Variants in TMEM232 observed in about 807,000 individuals in gnomAD.
The protein encoded by TMEM232 is transmembrane protein 232.
In TMEM232, 80 loss-of-function variants were observed where a neutral mutation model predicts 78.8. That is an observed-to-expected ratio of 1.01 (90% confidence interval 0.85 to 1.22). The LOEUF (loss-of-function observed/expected upper bound fraction) is 1.22. TMEM232 is among the 50% of genes most tolerant of loss of function. The pLI is 0.00. For missense variants in TMEM232, 881 were observed against 742.2 expected (o/e 1.19, Z -2.17); for synonymous variants, 297 against 254.3 (o/e 1.17, Z -1.60).
At chr5:110,489,496 A>G (rs2149414071) in intron 12 of TMEM232, among the ~76,000 whole-genome samples, 1 of 152,246 alleles carries the variant, frequency 6.6e-6, no homozygotes, top group East Asian at 1.9e-4. Context: ...TAGGAATGTA[A>G]GGCACGTCTT....
chr5:110,455,424 C>T (rs1013662510), intron 12 of TMEM232, among the ~76,000 whole-genome samples: 2 of 150,948 alleles, frequency 1.3e-5, no homozygotes, highest in African/African-American at 4.9e-5. Flanking sequence ...GTTGCCCAGG[C>T]TGGAGTGCAG....
At chr5:110,422,767 A>T (rs1756808646) in intron 13 of TMEM232, among the ~76,000 whole-genome samples, 1 of 152,092 alleles carries the variant, frequency 6.6e-6, no homozygotes, top group African/African-American at 2.4e-5. Context: ...TCTTTTCATT[A>T]GGCTTAGGAA....
At chr5:110,560,861 T>C (rs1483108987) in intron 11 of TMEM232, among the ~76,000 whole-genome samples, 1 of 152,152 alleles carries the variant, frequency 6.6e-6, no homozygotes, top group Admixed American at 6.6e-5. Flanking sequence ...AATTTAGCCC[T>C]TCAAATCTTC....
At position 110,620,858 on chromosome 5, in the gene TMEM232, C is replaced by CTTTTT. The variant is rs558332663; in HGVS notation, c.769-2301_769-2297dup. 2.2e-3 allele frequency among the ~76,000 whole-genome samples: 192 copies of CTTTTT among 87,444 alleles called. 9 individuals are homozygous for CTTTTT. The highest frequency in any genetic ancestry group is 7.9e-3 in the African/African-American group (142 of 17,914). The allele number at this position is 87,444 out of a possible 152,430, so 57.4% of individuals were successfully genotyped here. A position where few individuals can be genotyped will look rare whatever the true frequency, so the allele number is the denominator to read the frequency against. ...TCAGGAATTTTATGTATTTCAAGCG[C>CTTTTT]TTTTTTTTTTTTTTTTTTTTTTGAG... is the stretch of plus-strand genomic sequence containing the variant. On this transcript the variant is annotated intron_variant, in intron 7 of 13. Transcript: ENST00000455884.
chr5:110,675,178 G>A (rs575597554), intron 1 of TMEM232, among the ~76,000 whole-genome samples: 2 of 152,128 alleles, frequency 1.3e-5, no homozygotes, highest in South Asian at 4.2e-4. Context: ...CTGGGTAGCT[G>A]GGATTACAGG....
intron 12 of TMEM232, among the ~76,000 whole-genome samples, chr5:110,473,594 A>T (rs112296846): frequency 2.3e-4 from 31 of 136,820 alleles, no homozygotes; most frequent in East Asian, 3.9e-4. Context: ...TTAAAAAATT[A>T]AAAAAAAAAT....
intron 5 of TMEM232, among the ~76,000 whole-genome samples, chr5:110,633,675 G>C (rs762113058): frequency 3.9e-5 from 6 of 152,048 alleles, no homozygotes; most frequent in Non-Finnish European, 8.8e-5. Context: ...TTCACCTTTT[G>C]CCATGATTGT....
chr5:110,689,018 C>T (rs1461839122), intron 1 of TMEM232, among the ~76,000 whole-genome samples: 1 of 152,108 alleles, frequency 6.6e-6, no homozygotes, highest in African/African-American at 2.4e-5. Context: ...TCCTTTGACC[C>T]TTTTGTTTTT....
At chr5:110,668,689 C>T (rs934322575) in intron 1 of TMEM232, among the ~76,000 whole-genome samples, 1 of 152,158 alleles carries the variant, frequency 6.6e-6, no homozygotes, top group Non-Finnish European at 1.5e-5. Flanking sequence ...TTCTCAGCAC[C>T]ACATCGCACT....
At chr5:110,706,541 T>C (rs924479359) in intron 1 of TMEM232, among the ~76,000 whole-genome samples, 1 of 152,314 alleles carries the variant, frequency 6.6e-6, no homozygotes, top group Non-Finnish European at 1.5e-5. Context: ...AGAATGCGTA[T>C]AAAGGTGGTC....
At chr5:110,536,594 C>G (rs1772388208) in intron 11 of TMEM232, among the ~76,000 whole-genome samples, 1 of 152,230 alleles carries the variant, frequency 6.6e-6, no homozygotes, top group South Asian at 2.1e-4. Flanking sequence ...AGAGTGAACT[C>G]ACACACATTT....
intron 12 of TMEM232, among the ~76,000 whole-genome samples, chr5:110,525,235 A>C (rs987489942): frequency 1.3e-5 from 2 of 151,902 alleles, no homozygotes; most frequent in African/African-American, 4.8e-5. Context: ...AGCTGATAAA[A>C]TACATAAAAG....
intron 2 of TMEM232, among the ~76,000 whole-genome samples, chr5:110,732,379 C>A (rs1182565657): frequency 6.6e-6 from 1 of 152,170 alleles, no homozygotes; most frequent in African/African-American, 2.4e-5. Context: ...TACCAACTCA[C>A]TGTATTAGCG....
intron 2 of TMEM232, among the ~76,000 whole-genome samples, chr5:110,407,812 ATATC>A (rs1755847127): frequency 6.6e-6 from 1 of 152,178 alleles, no homozygotes; most frequent in African/African-American, 2.4e-5. Context: ...TTAAAAATAT[ATATC>A]AAGTATTATC....
At chr5:110,720,006 G>T (rs1238624246) in intron 1 of TMEM232, among the ~76,000 whole-genome samples, 4 of 152,124 alleles carry the variant, frequency 2.6e-5, no homozygotes, top group Non-Finnish European at 5.9e-5. Context: ...TGGTGAACTA[G>T]ATGTCCTGAA....
chr5:110,558,498 C>T (rs1196993797), intron 11 of TMEM232, among the ~76,000 whole-genome samples: 2 of 152,066 alleles, frequency 1.3e-5, no homozygotes, highest in Non-Finnish European at 2.9e-5. Flanking sequence ...ATGGTGGTGC[C>T]TCAGGGAAGC....
intron 12 of TMEM232, among the ~76,000 whole-genome samples, chr5:110,482,704 G>A (rs1171444578): frequency 6.6e-6 from 1 of 151,458 alleles, no homozygotes; most frequent in Non-Finnish European, 1.5e-5. Flanking sequence ...AACTAAACCC[G>A]TAAACATGAA....
intron 1 of TMEM232, among the ~76,000 whole-genome samples, chr5:110,681,603 T>C (rs1263913120): frequency 6.6e-6 from 1 of 152,228 alleles, no homozygotes; most frequent in African/African-American, 2.4e-5. Context: ...GGGTTTGTGT[T>C]ATTCATTGTT....
intron 1 of TMEM232, among the ~76,000 whole-genome samples, chr5:110,686,021 G>T (rs1182263749): frequency 6.6e-6 from 1 of 151,830 alleles, no homozygotes; most frequent in Non-Finnish European, 1.5e-5. Context: ...TTATATATTA[G>T]GGATGGTAAC....
Sources: allele counts gnomAD v4.1 joint callset (sites outside exome capture counted in the v4.1 genomes callset), GRCh38; gene constraint gnomAD v4.1.1; transcripts MANE v1.5; gene names NCBI Gene and HGNC (gene_info 2026-07-23, HGNC 2026-07-21).